The following P3H2 variants were observed in gnomAD, a reference collection of about 807,000 sequenced individuals.
P3H2 encodes prolyl 3-hydroxylase 2, also known as leprecan-like 1.
Under a neutral mutation model 87.0 loss-of-function variants are expected in P3H2, and 80 were observed. The ratio of observed to expected loss-of-function variants is 0.92; its 90% CI spans 0.77 to 1.11. P3H2 has a LOEUF of 1.11. Ranked by LOEUF, P3H2 falls within the 50% of genes least tolerant of loss-of-function variation. The probability of loss-of-function intolerance (pLI) is 0.00; values close to 1 mark genes in which losing one functional copy is unlikely to be tolerated. For missense variants in P3H2, 1,001 were observed against 923.9 expected (o/e 1.08, Z -1.08); for synonymous variants, 367 against 359.3 (o/e 1.02, Z -0.24).
At chr3:190,090,475 G>A (rs1004310598) in intron 1 of P3H2, among the ~76,000 whole-genome samples, 10 of 152,220 alleles carry the variant, frequency 6.6e-5, no homozygotes, top group South Asian at 2.1e-4. Flanking sequence ...AGGCTGAGGC[G>A]GGTGGATCAC....
At chr3:189,961,745 G>A (rs905395775) in intron 14 of P3H2, among the ~76,000 whole-genome samples, 3 of 152,222 alleles carry the variant, frequency 2.0e-5, no homozygotes, top group Non-Finnish European at 4.4e-5. Flanking sequence ...GCTACGGCCT[G>A]AAGACTGGAG....
chr3:189,962,455 G>A (rs1182241339), intron 14 of P3H2, among the ~76,000 whole-genome samples: 4 of 152,216 alleles, frequency 2.6e-5, no homozygotes, highest in African/African-American at 7.2e-5. Flanking sequence ...GATTATAGGC[G>A]TGAGCCACCA....
intron 1 of P3H2, among the ~76,000 whole-genome samples, chr3:190,106,968 T>A (rs1711862022): frequency 6.6e-6 from 1 of 152,220 alleles, no homozygotes. Context: ...TTATCACTAA[T>A]AACTATAGTC....
intron 1 of P3H2, among the ~76,000 whole-genome samples, chr3:190,078,618 C>A: frequency 6.6e-6 from 1 of 152,134 alleles, no homozygotes; most frequent in Admixed American, 6.5e-5. Flanking sequence ...GGGAGACATA[C>A]TATGACCCAA....
chr3:189,985,813 C>A (rs1164871733), intron 6 of P3H2, among the ~76,000 whole-genome samples: 4 of 151,906 alleles, frequency 2.6e-5, no homozygotes, highest in African/African-American at 9.7e-5. Flanking sequence ...AAATGTTCAG[C>A]AGAAGAGTTC....
chr3:189,973,906 T>TAC lies in P3H2; in HGVS notation c.1548+1_1548+2dup, dbSNP rs766922857. The TAC allele has an allele frequency of 1.9e-6, 3 of 1,609,628 alleles. No individual in the cohort carries two copies. The highest frequency in any genetic ancestry group is 1.7e-5 in the Admixed American group (1 of 60,014). ...TCAAACCCAAAAGAAGTTAAGACTT[T>TAC]ACTTTGAGTGCTTTCAGGACAGTTG... On this transcript the variant is annotated splice_region_variant and intron_variant, in intron 10 of 14. Transcript: ENST00000319332.
intron 1 of P3H2, among the ~76,000 whole-genome samples, chr3:190,080,527 A>G (rs565976702): frequency 6.6e-6 from 1 of 152,084 alleles, no homozygotes; most frequent in South Asian, 2.1e-4. Context: ...CAGCCTCCCG[A>G]GTAGCTGGGA....
intron 1 of P3H2, among the ~76,000 whole-genome samples, chr3:190,008,574 A>G (rs1030966215): frequency 6.6e-6 from 1 of 152,184 alleles, no homozygotes; most frequent in African/African-American, 2.4e-5. Flanking sequence ...CTGTGGGTTT[A>G]CATTGGCTCC....
At chr3:189,968,405 C>G (rs966916830) in intron 13 of P3H2, among the ~76,000 whole-genome samples, 5 of 152,112 alleles carry the variant, frequency 3.3e-5, no homozygotes, top group Non-Finnish European at 7.4e-5. Context: ...TCATCCATGT[C>G]CCTGAAAAGG....
chr3:190,035,769 G>C (rs768990561), intron 1 of P3H2, among the ~76,000 whole-genome samples: 6 of 152,122 alleles, frequency 3.9e-5, no homozygotes, highest in African/African-American at 1.4e-4. Context: ...AATACCTTCT[G>C]TTGGGCTTTA....
chr3:189,969,912 A>G, intron 13 of P3H2: 1 of 860,138 alleles, frequency 1.2e-6, no homozygotes. Flanking sequence ...GACTAAGGGA[A>G]TGAAGTGGGC....
intron 1 of P3H2, among the ~76,000 whole-genome samples, chr3:190,094,491 C>T (rs1336310429): frequency 6.6e-6 from 1 of 152,140 alleles, no homozygotes; most frequent in Non-Finnish European, 1.5e-5. Context: ...ATTTAGCAGC[C>T]AAGTAAAACA....
At chr3:190,067,093 C>T (rs1240002636) in intron 1 of P3H2, among the ~76,000 whole-genome samples, 1 of 149,952 alleles carries the variant, frequency 6.7e-6, no homozygotes, top group Non-Finnish European at 1.5e-5. Flanking sequence ...AATCCTCCTG[C>T]CTTGGCCTCC....
chr3:190,050,222 A>G lies in P3H2; in HGVS notation c.481-54780T>C, dbSNP rs114159772. On this transcript the variant is annotated intron_variant, in intron 1 of 14. Transcript: ENST00000319332. Reference sequence around the variant, plus strand: ...TCTTTCTTACGCTGAACCATAATCTATCTCTCTATAACTTCCACTATTGCT... The same window carrying G: ...TCTTTCTTACGCTGAACCATAATCTGTCTCTCTATAACTTCCACTATTGCT... Among the ~76,000 whole-genome samples the G allele has an allele frequency of 7.2e-3, 1,097 of 152,306 alleles. 21 individuals carry two copies. The highest frequency in any genetic ancestry group is 0.025 in the African/African-American group (1,027 of 41,582).
intron 1 of P3H2, among the ~76,000 whole-genome samples, chr3:190,063,128 G>A (rs1726385475): frequency 6.6e-6 from 1 of 152,128 alleles, no homozygotes; most frequent in South Asian, 2.1e-4. Context: ...AAATTTAGGA[G>A]TTCTACTTTT....
chr3:190,055,647 C>G (rs1726131222), intron 1 of P3H2, among the ~76,000 whole-genome samples: 1 of 151,806 alleles, frequency 6.6e-6, no homozygotes, highest in Admixed American at 6.6e-5. Context: ...CGATCATATT[C>G]TCTTGAAGGA....
chr3:189,973,868 G>A, intron 10 of P3H2, 41 bp downstream of exon 10: 1 of 1,427,034 alleles, frequency 7.0e-7, no homozygotes, highest in East Asian at 2.3e-5. Context: ...GCCTTAGGCT[G>A]ACACTAAGGA....
chr3:189,970,722 A>G (rs532909739), intron 13 of P3H2, 94 bp downstream of exon 13: 4 of 773,262 alleles, frequency 5.2e-6, no homozygotes, highest in African/African-American at 3.4e-5. Context: ...TGAGCTCAGA[A>G]GTATTTGAAA....
rs540040983 is a variant in P3H2, at chr3:189,959,504, T to A, written c.2035-1500A>T. ...CCCACCTATGAGTGAGAATATGTGG[T>A]GTTTGTTCTCTCTTCTTATTCATAC... On this transcript the variant is annotated intron_variant, in intron 14 of 14. Transcript: ENST00000319332. 2.0e-5 allele frequency among the ~76,000 whole-genome samples: 3 copies of A among 149,218 alleles called. No individual in the cohort carries two copies. In the East Asian group the frequency reaches 6.1e-4, roughly 30 times the overall value.
Sources: allele counts gnomAD v4.1 joint callset (sites outside exome capture counted in the v4.1 genomes callset), GRCh38; gene constraint gnomAD v4.1.1; transcripts MANE v1.5; gene names NCBI Gene and HGNC (gene_info 2026-07-23, HGNC 2026-07-21).